Variants in TG observed in about 807,000 individuals in gnomAD.
TG encodes the protein thyroid hormones.
In TG, 270 loss-of-function variants were observed where a neutral mutation model predicts 324.7. That is an observed-to-expected ratio of 0.83 (90% CI 0.75 to 0.92). The LOEUF (loss-of-function observed/expected upper bound fraction) is 0.92. Among genes scored for constraint, TG ranks in the 40% least tolerant of loss-of-function variants. The probability of loss-of-function intolerance (pLI) is 0.00; values close to 1 mark genes in which losing one functional copy is unlikely to be tolerated. For synonymous variants in TG, 1,401 were observed against 1,327.0 expected, an observed-to-expected ratio of 1.06 and a Z score of -1.21; for missense variants, 3,591 against 3,456.4, an observed-to-expected ratio of 1.04 and a Z score of -0.98.
chr8:133,001,653 T>G, intron 35 of TG: 1 of 682,654 alleles, frequency 1.5e-6, no homozygotes, highest in Non-Finnish European at 1.8e-6. Flanking sequence ...CTCAATGCAA[T>G]GTTGTCTCCG....
intron 35 of TG, among the ~76,000 whole-genome samples, chr8:132,991,508 G>A (rs1832322826): frequency 1.3e-5 from 2 of 152,154 alleles, no homozygotes; most frequent in South Asian, 2.1e-4. Flanking sequence ...GTCTAAATAC[G>A]CACAGAGCTT....
intron 34 of TG, among the ~76,000 whole-genome samples, chr8:132,981,593 A>G (rs1830852748): frequency 6.6e-6 from 1 of 152,204 alleles, no homozygotes; most frequent in African/African-American, 2.4e-5. Flanking sequence ...GAGTTATATT[A>G]GGAGCTCCCA....
Position 132,966,625 on chromosome 8 carries a change from C to A in TG, c.5614C>A (p.Leu1872Ile). The A allele has an allele frequency of 6.2e-7, 1 of 1,614,144 alleles. No homozygotes were observed. Among genetic ancestry groups the A allele is most frequent in the Non-Finnish European group, 8.5e-7 (1 of 1,180,012 alleles). ...GGTCATTGTCAATGGAAATCAATCA[C>A]TATCCAGCCAGAAGCACTGGCTTTT... ...NQVIVNGNQS[L>I]SSQKHWLFKH... The change falls in exon 30 of 48, where the codon CTA (leucine) becomes ATA (isoleucine). Residue 1872 changes from leucine (L) to isoleucine (I), a missense_variant. By Grantham distance (5) the Leu-to-Ile change is conservative. Coordinates refer to ENST00000220616, the MANE Select transcript of TG (RefSeq NM_003235.5).
intron 34 of TG, among the ~76,000 whole-genome samples, chr8:132,982,062 T>C (rs1830931255): frequency 6.6e-6 from 1 of 152,128 alleles, no homozygotes; most frequent in Admixed American, 6.5e-5. Context: ...AAGGGCAGTA[T>C]TAAGAGTGAA....
At chr8:132,941,282 A>T in intron 25 of TG, 69 bp from the exon 26 acceptor site, 3 of 1,585,662 alleles carry the variant, frequency 1.9e-6, no homozygotes, top group Non-Finnish European at 2.6e-6. Context: ...GTCCTGTGAG[A>T]TCAGTAAGCT....
intron 5 of TG, among the ~76,000 whole-genome samples, chr8:132,878,623 A>G (rs1219668752): frequency 7.0e-6 from 1 of 143,676 alleles, no homozygotes; most frequent in Non-Finnish European, 1.5e-5. Context: ...AAAAAAAACA[A>G]AAAAAAAACA....
At chr8:133,032,731 GTC>G (rs1836748605) in intron 41 of TG, among the ~76,000 whole-genome samples, 2 of 152,162 alleles carry the variant, frequency 1.3e-5, no homozygotes, top group African/African-American at 4.8e-5. Flanking sequence ...AAAATCTTAA[GTC>G]TCTCTGCAAA....
intron 34 of TG, 119 bp downstream of exon 34, chr8:132,972,860 C>A: frequency 2.2e-6 from 3 of 1,334,178 alleles, no homozygotes; most frequent in Non-Finnish European, 3.2e-6. Context: ...TGGGTTCAAG[C>A]AACAGAAATA....
chr8:132,941,233 A>T, intron 25 of TG, 118 bp from the exon 26 acceptor site: 1 of 1,247,796 alleles, frequency 8.0e-7, no homozygotes, highest in Non-Finnish European at 1.2e-6. Context: ...CTTGGCCCAC[A>T]CGCTGCCTGG....
chr8:132,970,653 C>T (rs1338841156), intron 32 of TG, among the ~76,000 whole-genome samples: 1 of 152,108 alleles, frequency 6.6e-6, no homozygotes, highest in Admixed American at 6.5e-5. Flanking sequence ...CAGCTGGACA[C>T]CACTGTGCTG....
Position 132,950,609 on chromosome 8 carries a change from A to G in TG, c.5401+1666A>G, listed in dbSNP as rs972304959. ...TGCCCATTCCTTTGTTAGGCAGTGC[A>G]GTCAGCAGCGTGCCGCAATTGCGCA... On this transcript the variant is annotated intron_variant, in intron 27 of 47. Coordinates refer to ENST00000220616, the MANE Select transcript of TG (RefSeq NM_003235.5). Among the ~76,000 whole-genome samples, 4 of 152,218 alleles carry G rather than the reference A, an allele frequency of 2.6e-5. No individual in the cohort carries two copies. In the South Asian group the frequency reaches 8.3e-4, roughly 31 times the overall value.
In TG at chr8:132,966,560, G is replaced by T. The variant is rs889616993; in HGVS notation, c.5549G>T (p.Gly1850Val). 7 of 1,613,692 alleles carry T rather than the reference G, an allele frequency of 4.3e-6. No homozygotes were observed. The African/African-American group carries it at 9.4e-5, about 22-fold the overall frequency. ...VPRPASPTEA[G>V]LTTELFSPVD... ...AGTTGACTCCCTGCTTCTTTTTCAG[G>T]TTTGACAACAGAACTTTTCTCCCCT... Residue 1850 changes from glycine to valine, a missense_variant and splice_region_variant, in exon 30 of 48, where the codon GGT becomes GTT. Physicochemically the swap from Gly to Val is moderately radical, Grantham distance 109. Transcript: ENST00000220616.
chr8:132,923,975 A>G (rs7826586), intron 22 of TG, among the ~76,000 whole-genome samples: 5,994 of 152,128 alleles, frequency 0.039, 157 homozygotes, highest in Non-Finnish European at 0.062. Flanking sequence ...CAGGGTGGGG[A>G]TGGTTTCAGG....
At chr8:133,070,836 G>A (rs1843897057) in intron 41 of TG, among the ~76,000 whole-genome samples, 1 of 152,238 alleles carries the variant, frequency 6.6e-6, no homozygotes, top group South Asian at 2.1e-4. Flanking sequence ...CCTGACCGTG[G>A]TGAAGTTGTC....
In TG at chr8:133,132,273, T is replaced by C. The variant is rs78961267; in HGVS notation, c.7997+327T>C. Among the ~76,000 whole-genome samples, 701 of 152,350 alleles carry C rather than the reference T, an allele frequency of 4.6e-3. 4 individuals are homozygous for C. The highest frequency in any genetic ancestry group is 8.1e-3 in the Admixed American group (124 of 15,304). On this transcript the variant is annotated intron_variant, in intron 46 of 47. Coordinates refer to ENST00000220616, the MANE Select transcript of TG (RefSeq NM_003235.5). Reference sequence around the variant, plus strand: ...GTGCATTGTAGGATGTTTAACAGCATCCTTGGCCTCTAGATGTCCACCAGA... The same window carrying C: ...GTGCATTGTAGGATGTTTAACAGCACCCTTGGCCTCTAGATGTCCACCAGA...
rs1433616841 is a variant in TG, at chr8:133,042,694, T to C, written c.7239+12671T>C. The stretch of plus-strand genomic sequence containing the variant: ...ATTCTGTGTCTTTTTTTTTTTTTTT[T>C]TTTTTTTTTTTTTTTGTGAGATGGA... On this transcript the variant is annotated intron_variant, in intron 41 of 47. Coordinates refer to ENST00000220616, the MANE Select transcript of TG (RefSeq NM_003235.5). 5.5e-5 allele frequency among the ~76,000 whole-genome samples: 7 copies of C among 126,316 alleles called. No individual in the cohort carries two copies. The East Asian group carries it at 8.9e-4, about 16-fold the overall frequency. The allele number at this position is 126,316 out of a possible 152,430, so 82.9% of individuals were successfully genotyped here.
chr8:132,957,583 C>T (rs564557390), intron 27 of TG, among the ~76,000 whole-genome samples: 95 of 152,090 alleles, frequency 6.2e-4, no homozygotes, highest in African/African-American at 2.1e-3. Flanking sequence ...ACCAATTCAC[C>T]GCAAGTCAGA....
intron 45 of TG, among the ~76,000 whole-genome samples, chr8:133,120,030 G>A (rs566250944): frequency 2.4e-4 from 37 of 152,270 alleles, no homozygotes; most frequent in Admixed American, 7.2e-4. Context: ...GTGGTCTATG[G>A]CCACCCATGG....
chr8:132,937,900 G>C (rs1476505855), intron 25 of TG, among the ~76,000 whole-genome samples: 2 of 152,122 alleles, frequency 1.3e-5, no homozygotes, highest in East Asian at 3.9e-4. Context: ...CTAAATCAAG[G>C]GCAGAACTAT....
Sources: gnomAD v4.1 joint callset for allele counts (sites outside exome capture counted in the v4.1 genomes callset) on GRCh38, gnomAD v4.1.1 for gene constraint, MANE v1.5 for transcripts, NCBI Gene and HGNC (gene_info 2026-07-23, HGNC 2026-07-21) for gene names.